The following SLCO4C1 variants were observed in gnomAD, a reference collection of about 807,000 sequenced individuals.
The protein encoded by SLCO4C1 is organic anion transporter M1.
In SLCO4C1, 58 loss-of-function variants were observed where a neutral mutation model predicts 72.1. The ratio of observed to expected loss-of-function variants is 0.80; its 90% CI spans 0.65 to 1.00. The LOEUF is 1.00. Among genes scored for constraint, SLCO4C1 ranks in the 50% least tolerant of loss-of-function variants. SLCO4C1 has a pLI of 0.00. For synonymous variants in SLCO4C1, 297 were observed against 312.5 expected (o/e 0.95, Z 0.52); for missense variants, 898 against 857.9 (o/e 1.05, Z -0.58).
chr5:102,267,781 G>C (rs1749070462), intron 3 of SLCO4C1, among the ~76,000 whole-genome samples: 1 of 151,828 alleles, frequency 6.6e-6, no homozygotes. Context: ...TGCTTTTGCT[G>C]TACCTCATAA....
chr5:102,273,097 A>T (rs1749183634), intron 2 of SLCO4C1, among the ~76,000 whole-genome samples: 1 of 152,124 alleles, frequency 6.6e-6, no homozygotes, highest in Non-Finnish European at 1.5e-5. Context: ...TGGAATGGTC[A>T]AAAAAGAATA....
At chr5:102,295,404 T>C (rs566719568) in intron 1 of SLCO4C1, among the ~76,000 whole-genome samples, 22 of 152,308 alleles carry the variant, frequency 1.4e-4, no homozygotes, top group African/African-American at 4.8e-4. Context: ...AAAACATGAA[T>C]GTCTGTATCT....
Position 102,249,624 on chromosome 5 carries a change from G to A in SLCO4C1, c.1620+14C>T. ...TATTGCCTCATTAAGGGAAAAGTAG[G>A]AGACATAAGCTACCTTTGGCTTCCT... is the stretch of plus-strand genomic sequence containing the variant. On this transcript the variant is annotated intron_variant, in intron 9 of 12. Transcript: ENST00000310954. The A allele has an allele frequency of 6.2e-7, 1 of 1,613,258 alleles. No individual in the cohort carries two copies. Among genetic ancestry groups the A allele is most frequent in the Non-Finnish European group, 8.5e-7 (1 of 1,179,676 alleles).
intron 12 of SLCO4C1, among the ~76,000 whole-genome samples, chr5:102,238,906 G>A (rs1748486078): frequency 1.3e-5 from 2 of 152,134 alleles, no homozygotes; most frequent in African/African-American, 4.8e-5. Context: ...ATACCTAGAT[G>A]ACAATCATTC....
At chr5:102,289,640 T>C (rs1749518400) in intron 2 of SLCO4C1, among the ~76,000 whole-genome samples, 1 of 152,246 alleles carries the variant, frequency 6.6e-6, no homozygotes, top group Admixed American at 6.5e-5. Flanking sequence ...TACTAAAGCC[T>C]ACGCTGCAAT....
intron 2 of SLCO4C1, among the ~76,000 whole-genome samples, chr5:102,288,942 T>C (rs897822860): frequency 2.0e-5 from 3 of 152,160 alleles, no homozygotes; most frequent in Admixed American, 6.5e-5. Flanking sequence ...GTACATAAAA[T>C]CCAGATGGCA....
chr5:102,281,444 G>T (rs1019294335), intron 2 of SLCO4C1, among the ~76,000 whole-genome samples: 3 of 151,882 alleles, frequency 2.0e-5, no homozygotes, highest in Non-Finnish European at 2.9e-5. Context: ...TGATAAATTC[G>T]ACTTTATTTA....
intron 12 of SLCO4C1, among the ~76,000 whole-genome samples, chr5:102,237,335 A>T (rs1231642140): frequency 6.6e-6 from 1 of 152,140 alleles, no homozygotes; most frequent in Non-Finnish European, 1.5e-5. Context: ...AGATTTGTTA[A>T]CACAAGCCCA....
At chr5:102,270,589 A>T in intron 3 of SLCO4C1, 35 bp downstream of exon 3, 1 of 1,517,100 alleles carries the variant, frequency 6.6e-7, no homozygotes, top group East Asian at 2.3e-5. Context: ...TAATAAGATA[A>T]AGTGATACTG....
chr5:102,291,719 C>G (rs1262392455), intron 1 of SLCO4C1, 113 bp from the exon 2 acceptor site: 3 of 899,812 alleles, frequency 3.3e-6, no homozygotes, highest in Non-Finnish European at 4.6e-6. Context: ...TAAAATGTAC[C>G]AGTTTTCAAA....
intron 1 of SLCO4C1, among the ~76,000 whole-genome samples, chr5:102,295,204 C>A (rs528782197): frequency 1.3e-5 from 2 of 152,232 alleles, no homozygotes; most frequent in South Asian, 2.1e-4. Flanking sequence ...GATTGCAAGC[C>A]CCTGAGGGTA....
intron 5 of SLCO4C1, 67 bp downstream of exon 5, chr5:102,261,845 A>G (rs777149350): frequency 4.1e-6 from 6 of 1,470,416 alleles, no homozygotes; most frequent in South Asian, 1.4e-5. Flanking sequence ...CTTATTAATC[A>G]TATAGAAAAT....
intron 10 of SLCO4C1, among the ~76,000 whole-genome samples, chr5:102,241,620 T>A (rs1748541308): frequency 6.6e-6 from 1 of 152,140 alleles, no homozygotes; most frequent in South Asian, 2.1e-4. Flanking sequence ...TGGAAAGCTA[T>A]CCCTTGTTTA....
rs33917335 is a variant in SLCO4C1 at position 102,287,856 on chromosome 5, GTTTTATCA to G, written c.619+3479_619+3486del. ...GGCATGAGTCATTGCGCCCGGCCAG[GTTTTATCA>G]TTTCTAACATCCCTTCCGTTTCTAA... is the stretch of plus-strand genomic sequence containing the variant. On this transcript the variant is annotated intron_variant, in intron 2 of 12. Coordinates refer to ENST00000310954, the MANE Select transcript of SLCO4C1 (RefSeq NM_180991.5). Among the ~76,000 whole-genome samples, 692 of 152,106 alleles carry G rather than the reference GTTTTATCA, an allele frequency of 4.5e-3. 1 individual carries two copies. Among genetic ancestry groups the G allele is most frequent in the African/African-American group, 0.016 (663 of 41,482 alleles).
In SLCO4C1 at chr5:102,263,672, A is replaced by T; in HGVS notation, c.899+12T>A. The T allele has an allele frequency of 6.2e-7, 1 of 1,600,368 alleles. No homozygotes were observed. The highest frequency in any genetic ancestry group is 1.1e-5 in the South Asian group (1 of 88,954). ...ATGACTTTAAATAAAAGAAAAATAG[A>T]TACTGCCTTGCCTTTCTCCCATAGC... On this transcript the variant is annotated intron_variant, in intron 4 of 12. Coordinates refer to ENST00000310954, the MANE Select transcript of SLCO4C1 (RefSeq NM_180991.5).
In SLCO4C1 at chr5:102,234,697, C is replaced by T. The variant is rs1471831812; in HGVS notation, c.*2161G>A. 3 of 152,300 alleles carry T rather than the reference C, an allele frequency of 2.0e-5. No individual in the cohort carries two copies. The East Asian group carries it at 5.8e-4, about 29-fold the overall frequency. The allele number at this position is 152,300 out of a possible 1,614,324, so 9.4% of individuals were successfully genotyped here. A position where few individuals can be genotyped will look rare whatever the true frequency, so the allele number is the denominator to read the frequency against. On this transcript the variant is annotated 3_prime_UTR_variant, in exon 13 of 13. Transcript: ENST00000310954. The stretch of plus-strand genomic sequence containing the variant: ...TGTTTTCTTCCTTACTGCCATTTCA[C>T]ATCTCCATCAGTGAGTTCCTCAGGA...
At chr5:102,295,842 C>G in intron 1 of SLCO4C1, 66 bp downstream of exon 1, 1 of 1,483,568 alleles carries the variant, frequency 6.7e-7, no homozygotes, top group Non-Finnish European at 9.1e-7. Flanking sequence ...CCCTCTCCCC[C>G]GGCTGGCTCG....
At position 102,260,194 on chromosome 5, in the gene SLCO4C1, GAGA is replaced by G. The variant is rs781519873; in HGVS notation, c.1128+16_1128+18del. The G allele has an allele frequency of 1.5e-3, 1,355 of 876,228 alleles. 14 individuals carry two copies. The African/African-American group carries it at 0.024, about 16-fold the overall frequency. The allele number at this position is 876,228 out of a possible 1,614,324, so 54.3% of individuals were successfully genotyped here. ...TGTGTATGAGACTGAGAGAGAGACA[GAGA>G]AGAATTTTATTTTACCTTTAGAGCA... On this transcript the variant is annotated intron_variant, in intron 6 of 12. Coordinates refer to ENST00000310954, the MANE Select transcript of SLCO4C1 (RefSeq NM_180991.5).
chr5:102,239,193 A>C lies in SLCO4C1; in HGVS notation c.2014+58T>G, dbSNP rs1049497857. ...GTGACCCTAAGTAACCAACAATGAG[A>C]TTTTTTTTTTTTTACATCCTTAGTT... is the stretch of plus-strand genomic sequence containing the variant. On this transcript the variant is annotated intron_variant, in intron 12 of 12. Coordinates refer to ENST00000310954, the MANE Select transcript of SLCO4C1 (RefSeq NM_180991.5). 19 of 1,158,816 alleles carry C rather than the reference A, an allele frequency of 1.6e-5. No individual in the cohort carries two copies. In the Admixed American group the frequency reaches 2.4e-4, roughly 15 times the overall value. 71.8% of individuals were successfully genotyped at this position (1,158,816 alleles called of 1,614,324 possible).
Sources: gnomAD v4.1 joint callset for allele counts (sites outside exome capture counted in the v4.1 genomes callset) on GRCh38, gnomAD v4.1.1 for gene constraint, MANE v1.5 for transcripts, NCBI Gene and HGNC (gene_info 2026-07-23, HGNC 2026-07-21) for gene names.